Variants in ZNF519 observed in about 807,000 individuals in gnomAD.
ZNF519 encodes zinc finger protein 519.
A neutral mutation model predicts 7.4 loss-of-function variants in ZNF519; 7 were observed. The ratio of observed to expected loss-of-function variants is 0.94; its 90% CI spans 0.54 to 1.77. The LOEUF (loss-of-function observed/expected upper bound fraction) is 1.77. Ranked by LOEUF, ZNF519 falls within the 40% of genes most tolerant of loss-of-function variation. The pLI is 0.00. For synonymous variants in ZNF519, 179 were observed against 203.3 expected (o/e 0.88, Z 1.02); for missense variants, 586 against 623.1 (o/e 0.94, Z 0.63).
intron 1 of ZNF519, among the ~76,000 whole-genome samples, chr18:14,128,680 T>A (rs2046313722): frequency 1.1e-5 from 1 of 87,750 alleles, no homozygotes; most frequent in Admixed American, 1.4e-4. Context: ...ATTAAGACAA[T>A]TCTGAGTCAA....
At chr18:14,083,681 G>A (rs115216116) in intron 3 of ZNF519, among the ~76,000 whole-genome samples, 422 of 152,166 alleles carry the variant, frequency 2.8e-3, no homozygotes, top group African/African-American at 9.6e-3. Context: ...AGCATGAGGC[G>A]GTGGATTACT....
intron 2 of ZNF519, among the ~76,000 whole-genome samples, chr18:14,107,000 TAAA>T (rs34119180): frequency 6.6e-6 from 1 of 151,970 alleles, no homozygotes; most frequent in Non-Finnish European, 1.5e-5. Context: ...CTCTGGGCCC[TAAA>T]AAACTTGAAA....
intron 2 of ZNF519, among the ~76,000 whole-genome samples, chr18:14,120,047 A>G (rs1458063284): frequency 6.6e-6 from 1 of 152,224 alleles, no homozygotes; most frequent in Non-Finnish European, 1.5e-5. Context: ...AATAGAAAAT[A>G]AAATTGTAAA....
At chr18:14,128,444 C>G (rs927512525) in intron 1 of ZNF519, among the ~76,000 whole-genome samples, 5 of 152,088 alleles carry the variant, frequency 3.3e-5, no homozygotes, top group African/African-American at 1.2e-4. Context: ...TTCAACTGTA[C>G]CATTTGTCAT....
intron 2 of ZNF519, 90 bp downstream of exon 2, chr18:14,124,260 C>A: frequency 1.6e-6 from 2 of 1,214,700 alleles, no homozygotes; most frequent in Non-Finnish European, 2.2e-6. Flanking sequence ...TTAATTCATG[C>A]AAAGCAGAAG....
chr18:14,129,207 CAGGTTCCCGATAG>C (rs1408709765), intron 1 of ZNF519, among the ~76,000 whole-genome samples: 2 of 152,148 alleles, frequency 1.3e-5, no homozygotes, highest in Non-Finnish European at 2.9e-5. Flanking sequence ...GTGAAAAAAA[CAGGTTCCCGATAG>C]AGATTCAGTG....
exon 5 of ZNF519, chr18:14,076,282 T>C (rs1567936050): frequency 1.3e-5 from 2 of 152,226 alleles, no homozygotes; most frequent in Admixed American, 6.5e-5. Context: ...TATTTAAATA[T>C]CATTGCTTAA....
At position 14,110,297 on chromosome 18, in the gene ZNF519, C is replaced by T. The variant is rs1567950376; in HGVS notation, c.131-3888G>A. Among the ~76,000 whole-genome samples the T allele has an allele frequency of 1.3e-5, 2 of 152,104 alleles. 1 individual carries two copies. Among genetic ancestry groups the T allele is most frequent in the South Asian group, 4.1e-4 (2 of 4,822 alleles). On this transcript the variant is annotated intron_variant, in intron 2 of 2. Coordinates refer to ENST00000590202, the MANE Select transcript of ZNF519 (RefSeq NM_145287.4). ...TGGACATTGACTTAGGCAAAAAATT[C>T]ATGACTAAGACCCCAAAAGCAAATG... is the stretch of plus-strand genomic sequence containing the variant.
downstream of ZNF519, among the ~76,000 whole-genome samples, chr18:14,096,671 A>G (rs577577377): frequency 1.3e-5 from 2 of 152,134 alleles, no homozygotes; most frequent in Non-Finnish European, 2.9e-5. Flanking sequence ...GTGTGCAACC[A>G]CACCCATCTA....
rs546821432 is a variant in ZNF519, at chr18:14,092,596, C to T, written c.131-7520G>A. Among the ~76,000 whole-genome samples the T allele has an allele frequency of 1.6e-4, 24 of 152,264 alleles. No homozygotes were observed. In the South Asian group the frequency reaches 3.3e-3, roughly 21 times the overall value. ...AGGCTTCCTAGTCTCAACAATATCA[C>T]AGAAAGCCTCGACAGTGACCTACCC... is the stretch of plus-strand genomic sequence containing the variant. On this transcript the variant is annotated intron_variant and NMD_transcript_variant, in intron 2 of 4. Transcript: ENST00000587419.
At chr18:14,126,787 C>T (rs1252441864) in intron 1 of ZNF519, among the ~76,000 whole-genome samples, 1 of 152,180 alleles carries the variant, frequency 6.6e-6, no homozygotes, top group African/African-American at 2.4e-5. Context: ...CCTGGCTGAA[C>T]CATTTCTCTT....
rs1327705149 is a variant in ZNF519, at chr18:14,105,682, A to G, written c.858T>C (p.His286=). The G allele has an allele frequency of 1.2e-6, 2 of 1,613,652 alleles. No individual in the cohort carries two copies. The highest frequency in any genetic ancestry group is 3.3e-5 in the Admixed American group (2 of 59,890). Residue 286 remains histidine (H), a synonymous_variant, in exon 3 of 3, where the codon CAT becomes CAC. Coordinates refer to ENST00000590202, the MANE Select transcript of ZNF519 (RefSeq NM_145287.4). ...TACATTTGTAAGGTTTCTCTCCAGT[A>G]TGAATTTTCTGATGTCCAAGATGTA... ...RGLHLGHQKI[H]TGEKPYKCKK...
chr18:14,116,681 T>C (rs1188580249), intron 2 of ZNF519, among the ~76,000 whole-genome samples: 2 of 152,214 alleles, frequency 1.3e-5, no homozygotes, highest in Non-Finnish European at 2.9e-5. Context: ...AATATTTAAA[T>C]GTAAGAATTA....
downstream of ZNF519, among the ~76,000 whole-genome samples, chr18:14,098,952 A>G (rs1011252957): frequency 1.2e-4 from 19 of 152,148 alleles, no homozygotes; most frequent in Non-Finnish European, 2.4e-4. Context: ...CATGAAATTT[A>G]TAGTCTCCAC....
Position 14,127,531 on chromosome 18 carries a change from C to T in ZNF519, c.4-3055G>A, listed in dbSNP as rs1450479882. 2.6e-5 allele frequency among the ~76,000 whole-genome samples: 4 copies of T among 152,296 alleles called. No homozygotes were observed. The East Asian group carries it at 7.7e-4, about 29-fold the overall frequency. On this transcript the variant is annotated intron_variant, in intron 1 of 2. Transcript: ENST00000590202. ...TCTCTCAAATCCCAGGACATAAATTCAAAATCTGGAGCTGCACATTTAGGT... is the reference window on the plus strand; with the variant it reads ...TCTCTCAAATCCCAGGACATAAATTTAAAATCTGGAGCTGCACATTTAGGT...
At chr18:14,111,157 A>G (rs1191565440) in intron 2 of ZNF519, among the ~76,000 whole-genome samples, 1 of 148,142 alleles carries the variant, frequency 6.8e-6, no homozygotes, top group Non-Finnish European at 1.5e-5. Context: ...AATAAAATGC[A>G]AAGTTGTTTT....
intron 3 of ZNF519, chr18:14,082,574 G>A (rs2046074630): frequency 6.6e-6 from 1 of 152,030 alleles, no homozygotes; most frequent in Non-Finnish European, 1.5e-5. Context: ...GTCTCAAACT[G>A]TGTCATTATT....
In ZNF519 at chr18:14,105,708, A is replaced by C. The variant is rs756035448; in HGVS notation, c.832T>G (p.Leu278Val). Residue 278 changes from leucine to valine, a missense_variant, in exon 3 of 3, where the codon TTA (leucine) becomes GTA (valine). Physicochemically the swap from Leu to Val is conservative, Grantham distance 32. Coordinates refer to ENST00000590202, the MANE Select transcript of ZNF519 (RefSeq NM_145287.4). ...TGAATTTTCTGATGTCCAAGATGTAAGCCCCTGGTAAAAGCTTTGCCACGT... is the reference window on the plus strand; with the variant it reads ...TGAATTTTCTGATGTCCAAGATGTACGCCCCTGGTAAAAGCTTTGCCACGT... ...KERGKAFTRGLHLGHQKIHTG... is the reference protein window; with the variant it reads ...KERGKAFTRGVHLGHQKIHTG... 12 of 1,613,766 alleles carry C rather than the reference A, an allele frequency of 7.4e-6. No homozygotes were observed. The highest frequency in any genetic ancestry group is 9.3e-6 in the Non-Finnish European group (11 of 1,179,978).
chr18:14,079,408 G>T (rs751230256), intron 3 of ZNF519, among the ~76,000 whole-genome samples: 5 of 152,214 alleles, frequency 3.3e-5, no homozygotes, highest in South Asian at 2.1e-4. Flanking sequence ...TATTAAAACT[G>T]ACTCTAAAGC....
Sources: gnomAD v4.1 joint callset for allele counts (sites outside exome capture counted in the v4.1 genomes callset) on GRCh38, gnomAD v4.1.1 for gene constraint, MANE v1.5 for transcripts, NCBI Gene and HGNC (gene_info 2026-07-23, HGNC 2026-07-21) for gene names.